The following CHRM3 variants were observed in gnomAD, a reference collection of about 807,000 sequenced individuals.
CHRM3 encodes muscarinic acetylcholine receptor M3.
Under a neutral mutation model 41.8 loss-of-function variants are expected in CHRM3, and 11 were observed. The ratio of observed to expected loss-of-function variants is 0.26; its 90% CI spans 0.17 to 0.44. The LOEUF (loss-of-function observed/expected upper bound fraction) is 0.44. CHRM3 is among the 20% of genes least tolerant of loss of function. The pLI, the probability that CHRM3 is intolerant of heterozygous loss-of-function variation, is 1.00. For synonymous variants in CHRM3, 297 were observed against 301.4 expected, an observed-to-expected ratio of 0.99 and a Z score of 0.15; for missense variants, 571 against 745.4, an observed-to-expected ratio of 0.77 and a Z score of 2.72.
At chr1:239,549,288 T>C (rs1659583858) in intron 3 of CHRM3, among the ~76,000 whole-genome samples, 1 of 152,030 alleles carries the variant, frequency 6.6e-6, no homozygotes, top group Admixed American at 6.6e-5. Flanking sequence ...TACTTATCTT[T>C]GTGGTTTTAT....
At chr1:239,585,412 T>C (rs891758428) in intron 3 of CHRM3, among the ~76,000 whole-genome samples, 1 of 152,068 alleles carries the variant, frequency 6.6e-6, no homozygotes, top group Admixed American at 6.6e-5. Flanking sequence ...TTAAAGGAAA[T>C]TACTAAGATT....
intron 5 of CHRM3, among the ~76,000 whole-genome samples, chr1:239,711,516 ATTG>A (rs960566769): frequency 1.2e-4 from 19 of 152,076 alleles, no homozygotes; most frequent in Middle Eastern, 6.8e-3. Context: ...ATAATAAATT[ATTG>A]TTATTTATAA....
At chr1:239,814,517 C>T (rs1005124212) in intron 5 of CHRM3, among the ~76,000 whole-genome samples, 5 of 152,134 alleles carry the variant, frequency 3.3e-5, no homozygotes, top group African/African-American at 4.8e-5. Flanking sequence ...GTTTTCTTTC[C>T]TCTGTGGTAA....
At chr1:239,789,178 A>G (rs2148850026) in intron 5 of CHRM3, among the ~76,000 whole-genome samples, 1 of 152,294 alleles carries the variant, frequency 6.6e-6, no homozygotes, top group African/African-American at 2.4e-5. Context: ...ATTGGAGGGT[A>G]CTAGACCAGG....
intron 5 of CHRM3, among the ~76,000 whole-genome samples, chr1:239,803,295 G>A (rs969790172): frequency 5.3e-5 from 8 of 152,018 alleles, no homozygotes; most frequent in Non-Finnish European, 7.4e-5. Flanking sequence ...CAATACATTC[G>A]GAGACCACTT....
chr1:239,731,104 A>C (rs1663924048), intron 5 of CHRM3, among the ~76,000 whole-genome samples: 1 of 151,930 alleles, frequency 6.6e-6, no homozygotes, highest in South Asian at 2.1e-4. Context: ...AAAAGAAGAC[A>C]ATTGGGGAAG....
intron 1 of CHRM3, among the ~76,000 whole-genome samples, chr1:239,394,682 C>A (rs1276816318): frequency 1.3e-5 from 2 of 152,204 alleles, no homozygotes; most frequent in African/African-American, 4.8e-5. Flanking sequence ...ATTCCATTTT[C>A]ACAGAGCAGT....
At chr1:239,643,360 T>A (rs963688493) in intron 4 of CHRM3, among the ~76,000 whole-genome samples, 1 of 152,232 alleles carries the variant, frequency 6.6e-6, no homozygotes, top group Non-Finnish European at 1.5e-5. Flanking sequence ...GTCTGTGCCC[T>A]GCCCCCAGAG....
At chr1:239,581,561 T>G (rs1662902998) in intron 3 of CHRM3, among the ~76,000 whole-genome samples, 2 of 152,324 alleles carry the variant, frequency 1.3e-5, no homozygotes, top group African/African-American at 4.8e-5. Flanking sequence ...GGTCACCTTT[T>G]GGGTACTGAC....
At chr1:239,766,708 G>GATATAGATAT (rs1424806058) in intron 5 of CHRM3, among the ~76,000 whole-genome samples, 3 of 89,262 alleles carry the variant, frequency 3.4e-5, no homozygotes, top group African/African-American at 8.5e-5. Flanking sequence ...TATAGATATA[G>GATATAGATAT]ATATAGATAT....
intron 5 of CHRM3, among the ~76,000 whole-genome samples, chr1:239,750,598 A>G (rs1665728835): frequency 6.6e-5 from 10 of 152,178 alleles, no homozygotes; most frequent in Admixed American, 6.5e-4. Flanking sequence ...GGATGTGTAA[A>G]CAGATTGTAA....
intron 3 of CHRM3, among the ~76,000 whole-genome samples, chr1:239,556,908 A>G (rs1402372615): frequency 2.6e-5 from 4 of 152,226 alleles, no homozygotes. Context: ...GTTGAATTGA[A>G]TTGAATGATG....
chr1:239,624,772 C>T (rs1668852225), intron 3 of CHRM3, among the ~76,000 whole-genome samples: 1 of 48,076 alleles, frequency 2.1e-5, no homozygotes, highest in Non-Finnish European at 3.8e-5. Context: ...TTCCCCATTG[C>T]TTGTTTTTCT....
chr1:239,434,337 C>T (rs1291466123), intron 1 of CHRM3, among the ~76,000 whole-genome samples: 1 of 152,180 alleles, frequency 6.6e-6, no homozygotes, highest in East Asian at 1.9e-4. Flanking sequence ...CTGGAAGGCC[C>T]TTTCTTGCCT....
rs191827042 is a variant in CHRM3, at chr1:239,575,918, A to G, written c.-313+30169A>G. Among the ~76,000 whole-genome samples, 185 of 152,274 alleles carry G rather than the reference A, an allele frequency of 1.2e-3. 1 individual carries two copies. The highest frequency in any genetic ancestry group is 2.1e-3 in the South Asian group (10 of 4,810). On this transcript the variant is annotated intron_variant, in intron 3 of 6. Coordinates refer to ENST00000676153, the MANE Select transcript of CHRM3 (RefSeq NM_001375978.1). ...CAATATCTAAAACTTTTCATCTTGT[A>G]GAAATGAAACTCTGTACCCATTAAA... is the stretch of plus-strand genomic sequence containing the variant.
chr1:239,404,467 A>AG (rs1572179678), intron 1 of CHRM3, among the ~76,000 whole-genome samples: 3 of 124,380 alleles, frequency 2.4e-5, no homozygotes, highest in Non-Finnish European at 5.2e-5. Flanking sequence ...AGAAAGAAAG[A>AG]AAAAGAAAGA....
At chr1:239,707,289 C>T (rs1333622872) in intron 5 of CHRM3, 2 of 152,090 alleles carry the variant, frequency 1.3e-5, no homozygotes, top group Admixed American at 6.5e-5. Context: ...TAAACATATG[C>T]TTATGCACAG....
At chr1:239,790,454 T>TA in intron 5 of CHRM3, among the ~76,000 whole-genome samples, 1 of 152,292 alleles carries the variant, frequency 6.6e-6, no homozygotes, top group Admixed American at 6.5e-5. Flanking sequence ...CTGATGGTTT[T>TA]ATAAAGGGGA....
intron 1 of CHRM3, among the ~76,000 whole-genome samples, chr1:239,411,535 G>C (rs2103044388): frequency 6.6e-6 from 1 of 151,862 alleles, no homozygotes; most frequent in Non-Finnish European, 1.5e-5. Flanking sequence ...GACCAGCCTG[G>C]CCAACATGGT....
Sources: allele counts gnomAD v4.1 joint callset (sites outside exome capture counted in the v4.1 genomes callset), GRCh38; gene constraint gnomAD v4.1.1; transcripts MANE v1.5; gene names NCBI Gene and HGNC (gene_info 2026-07-23, HGNC 2026-07-21).